TNPO1: variants seen among roughly 807,000 people sequenced by gnomAD.
TNPO1 encodes the protein transportin 1.
Under a neutral mutation model 119.5 loss-of-function variants are expected in TNPO1, and 8 were observed. That is an observed-to-expected ratio of 0.07 (90% CI 0.04 to 0.12). TNPO1 has a LOEUF of 0.12. TNPO1 is among the 10% of genes least tolerant of loss of function. The pLI is 1.00. For synonymous variants in TNPO1, 362 were observed against 363.0 expected, an observed-to-expected ratio of 1.00 and a Z score of 0.03; for missense variants, 576 against 1,089.8, an observed-to-expected ratio of 0.53 and a Z score of 6.64.
In TNPO1 at chr5:72,893,399, A is replaced by G. The variant is rs1749205960; in HGVS notation, c.1919A>G (p.Gln640Arg). 1 of 1,613,808 alleles carries G rather than the reference A, an allele frequency of 6.2e-7. No individual in the cohort carries two copies. ...QAMLNNAQPD[Q>R]YEAPDKDFMI... ...CAGCTAAACAATGCTCAACCAGATC[A>G]ATATGAAGCTCCAGATAAAGATTTT... The change falls in exon 17 of 25, where the codon CAA becomes CGA. Residue 640 changes from glutamine to arginine, a missense_variant. By Grantham distance (43) the Gln-to-Arg change is conservative. Around this residue, in one of 6 missense-constraint regions of TNPO1, gnomAD observed 21 missense variants for 23.9 expected, o/e 0.88. Transcript: ENST00000337273.
rs1333508615 is a variant in TNPO1, at chr5:72,908,770, A to AG, written c.*103dup. The AG allele has an allele frequency of 2.0e-5, 5 of 246,374 alleles. No individual in the cohort carries two copies. Among genetic ancestry groups the AG allele is most frequent in the South Asian group, 7.5e-5 (2 of 26,646 alleles). The allele number at this position is 246,374 out of a possible 1,614,324, so 15.3% of individuals were successfully genotyped here. On this transcript the variant is annotated 3_prime_UTR_variant, in exon 25 of 25. Coordinates refer to ENST00000337273, the MANE Select transcript of TNPO1 (RefSeq NM_002270.4). ...ACCCAGGGAAAATGTTACCCTTTAC[A>AG]GGGGGGAAGGGTAAACCAGTAGGGA...
intron 23 of TNPO1, 31 bp downstream of exon 23, chr5:72,903,814 T>A (rs763134878): frequency 7.1e-7 from 1 of 1,398,722 alleles, no homozygotes; most frequent in Non-Finnish European, 9.9e-7. Flanking sequence ...ATGCATCATC[T>A]TGAGACTGTT....
intron 1 of TNPO1, among the ~76,000 whole-genome samples, chr5:72,845,859 A>C (rs918863429): frequency 6.6e-6 from 1 of 152,122 alleles, no homozygotes; most frequent in Non-Finnish European, 1.5e-5. Context: ...CCCTTGCTTT[A>C]GTTTCTTGTT....
In TNPO1 at chr5:72,889,683, A is replaced by G. The variant is rs1748911235; in HGVS notation, c.1530-103A>G. 16 of 1,296,714 alleles carry G rather than the reference A, an allele frequency of 1.2e-5. No individual in the cohort carries two copies. In the South Asian group the frequency reaches 2.7e-4, roughly 22 times the overall value. The allele number at this position is 1,296,714 out of a possible 1,614,324, so 80.3% of individuals were successfully genotyped here. On this transcript the variant is annotated intron_variant, in intron 13 of 24. Transcript: ENST00000337273. ...ATTAACAGATGGCTTAGACCATTTT[A>G]GGAAATTCCTGATTGGGTAAAACAG...
At chr5:72,859,307 T>C (rs1274920905) in intron 4 of TNPO1, among the ~76,000 whole-genome samples, 1 of 152,182 alleles carries the variant, frequency 6.6e-6, no homozygotes, top group Non-Finnish European at 1.5e-5. Context: ...ACCTGACCTC[T>C]ACCCACTGGA....
At chr5:72,878,148 A>T (rs1580443019) in intron 9 of TNPO1, among the ~76,000 whole-genome samples, 2 of 152,184 alleles carry the variant, frequency 1.3e-5, no homozygotes, top group Admixed American at 1.3e-4. Context: ...TGTGTACGCT[A>T]TAGAGAGAGA....
intron 4 of TNPO1, among the ~76,000 whole-genome samples, chr5:72,859,943 A>G (rs1336940584): frequency 6.6e-6 from 1 of 152,202 alleles, no homozygotes; most frequent in African/African-American, 2.4e-5. Context: ...ACTTTAGGAA[A>G]GACTAATTTG....
At chr5:72,890,073 C>A in intron 14 of TNPO1, 116 bp downstream of exon 14, 1 of 1,146,626 alleles carries the variant, frequency 8.7e-7, no homozygotes, top group Non-Finnish European at 1.2e-6. Flanking sequence ...TTAGCGTTAG[C>A]TACTTTAAGA....
intron 1 of TNPO1, among the ~76,000 whole-genome samples, chr5:72,825,552 T>C (rs1419952023): frequency 6.6e-6 from 1 of 152,152 alleles, no homozygotes; most frequent in African/African-American, 2.4e-5. Context: ...CCGGGCGTGG[T>C]GGCACGTGCC....
At chr5:72,884,352 C>T (rs1748467109) in intron 11 of TNPO1, among the ~76,000 whole-genome samples, 3 of 152,116 alleles carry the variant, frequency 2.0e-5, no homozygotes, top group Non-Finnish European at 4.4e-5. Context: ...ACTACCATTT[C>T]TCAAAAGGCT....
chr5:72,839,133 A>T (rs1744809882), intron 1 of TNPO1, among the ~76,000 whole-genome samples: 1 of 152,164 alleles, frequency 6.6e-6, no homozygotes, highest in East Asian at 1.9e-4. Context: ...CCATTGAACT[A>T]CTTAAAAACT....
In TNPO1 at chr5:72,897,044, GA is replaced by G. The variant is rs770337073; in HGVS notation, c.2243-11del. ...TTCTTTTTTGTTTTTTTCTTTTTGG[GA>G]TGATCTCTAGGTATAGAGATGCAGC... On this transcript the variant is annotated splice_polypyrimidine_tract_variant and intron_variant, in intron 19 of 24. Transcript: ENST00000337273. 4.5e-5 allele frequency: 68 copies of G among 1,519,284 alleles called. No homozygotes were observed. The highest frequency in any genetic ancestry group is 5.6e-5 in the Non-Finnish European group (64 of 1,136,390). The allele number at this position is 1,519,284 out of a possible 1,614,324, so 94.1% of individuals were successfully genotyped here. A position where few individuals can be genotyped will look rare whatever the true frequency, so the allele number is the denominator to read the frequency against.
At chr5:72,899,726 A>G (rs1262175049) in intron 20 of TNPO1, among the ~76,000 whole-genome samples, 4 of 151,918 alleles carry the variant, frequency 2.6e-5, no homozygotes, top group East Asian at 1.9e-4. Context: ...GAGAAAAGCA[A>G]TTTCATCATG....
At chr5:72,853,331 C>A (rs529903508) in intron 3 of TNPO1, among the ~76,000 whole-genome samples, 5 of 152,184 alleles carry the variant, frequency 3.3e-5, no homozygotes, top group Non-Finnish European at 7.4e-5. Flanking sequence ...GGTCCCGCTA[C>A]TCAGGAGGCT....
At chr5:72,854,244 C>T (rs1179299756) in intron 3 of TNPO1, among the ~76,000 whole-genome samples, 2 of 152,048 alleles carry the variant, frequency 1.3e-5, no homozygotes, top group East Asian at 1.9e-4. Context: ...TGGTTTGAGA[C>T]GGAGTCTCGC....
rs1034588677 is a variant in TNPO1 at position 72,817,050 on chromosome 5, A to G, written c.15+298A>G. Reference sequence around the variant, plus strand: ...AGGGGCGGGAAGGGAAGGGTCTTACATTCAGGGGAGCGTTTGCCTCGCCTG... The same window carrying G: ...AGGGGCGGGAAGGGAAGGGTCTTACGTTCAGGGGAGCGTTTGCCTCGCCTG... On this transcript the variant is annotated intron_variant, in intron 1 of 24. Transcript: ENST00000337273. 7.9e-5 allele frequency: 34 copies of G among 428,086 alleles called. 1 individual carries two copies. The highest frequency in any genetic ancestry group is 3.0e-4 in the Admixed American group (7 of 23,376). 26.5% of individuals were successfully genotyped at this position (428,086 alleles called of 1,614,324 possible).
chr5:72,864,789 A>G (rs1370756253), intron 5 of TNPO1, among the ~76,000 whole-genome samples: 1 of 151,746 alleles, frequency 6.6e-6, no homozygotes, highest in Non-Finnish European at 1.5e-5. Context: ...TTTTGTTTTT[A>G]GTAGAGACAG....
Position 72,893,479 on chromosome 5 carries a change from A to G in TNPO1, c.1999A>G (p.Ile667Val), listed in dbSNP as rs761736959. ...SGLAEGLGGN[I>V]EQLVARSNIL... ...CCTGGCTGAAGGACTTGGAGGCAAC[A>G]TTGAACAGCTGGTAGCCCGAAGTAA... The change falls in exon 17 of 25, where the codon ATT (isoleucine) becomes GTT (valine). Residue 667 changes from isoleucine to valine, a missense_variant. By Grantham distance (29) the Ile-to-Val change is conservative (BLOSUM62 3). This residue lies in a region of TNPO1 where 162 missense variants were observed against 294.1 expected (regional missense o/e 0.55). Coordinates refer to ENST00000337273, the MANE Select transcript of TNPO1 (RefSeq NM_002270.4). 6.2e-6 allele frequency: 10 copies of G among 1,614,240 alleles called. No individual in the cohort carries two copies. The highest frequency in any genetic ancestry group is 1.3e-5 in the African/African-American group (1 of 75,064).
intron 23 of TNPO1, 145 bp from the exon 24 acceptor site, chr5:72,905,158 G>A (rs1055839024): frequency 8.3e-6 from 5 of 602,534 alleles, no homozygotes; most frequent in Admixed American, 3.0e-5. Flanking sequence ...AGCAGGGAAT[G>A]GTGTAGAATC....
Sources: allele counts gnomAD v4.1 joint callset (sites outside exome capture counted in the v4.1 genomes callset), GRCh38; gene constraint gnomAD v4.1.1; regional missense constraint gnomAD v4.1.1; transcripts MANE v1.5; gene names NCBI Gene and HGNC (gene_info 2026-07-23, HGNC 2026-07-21).